The following TENM4 variants were observed in gnomAD, a reference collection of about 807,000 sequenced individuals.
TENM4 encodes teneurin transmembrane protein 4.
Under a neutral mutation model 243.3 loss-of-function variants are expected in TENM4, and 82 were observed. That is an observed-to-expected ratio of 0.34 (90% confidence interval 0.28 to 0.40). TENM4 has a LOEUF of 0.40. Among genes scored for constraint, TENM4 ranks in the 10% least tolerant of loss-of-function variants. TENM4 has a pLI of 1.00. For synonymous variants in TENM4, 1,412 were observed against 1,456.3 expected, an observed-to-expected ratio of 0.97 and a Z score of 0.69; for missense variants, 3,138 against 3,673.3, an observed-to-expected ratio of 0.85 and a Z score of 3.77.
At chr11:79,234,881 TGCGGGGTCTG>T (rs1333336425) in intron 2 of TENM4, among the ~76,000 whole-genome samples, 1 of 152,134 alleles carries the variant, frequency 6.6e-6, no homozygotes, top group East Asian at 1.9e-4. Context: ...GCACCTGGCT[TGCGGGGTCTG>T]GCAAGGTAAG....
At chr11:79,091,613 T>A (rs1860952236) in intron 4 of TENM4, among the ~76,000 whole-genome samples, 1 of 152,062 alleles carries the variant, frequency 6.6e-6, no homozygotes, top group East Asian at 1.9e-4. Context: ...TTACTATGCT[T>A]GTTAAAAATA....
At chr11:78,749,063 C>G (rs77767279) in intron 19 of TENM4, among the ~76,000 whole-genome samples, 1,916 of 152,312 alleles carry the variant, frequency 0.013, 58 homozygotes, top group African/African-American at 0.045. Context: ...CAACTAGGAA[C>G]AAGCTCAAGC....
In TENM4 at chr11:78,904,359, C is replaced by CAAAAAAAAAAA. The variant is rs61503457; in HGVS notation, c.494-847_494-837dup. ...TGAGCTACAGAGCAAGACTCTGTCT[C>CAAAAAAAAAAA]AAAAAAAAAAAAAAAAGTAAAACAT... On this transcript the variant is annotated intron_variant, in intron 6 of 33. Transcript: ENST00000278550. Among the ~76,000 whole-genome samples the CAAAAAAAAAAA allele has an allele frequency of 5.3e-4, 41 of 77,248 alleles. 2 individuals are homozygous for CAAAAAAAAAAA. In the Middle Eastern group the frequency reaches 0.024, roughly 45 times the overall value. 50.7% of individuals were successfully genotyped at this position (77,248 alleles called of 152,430 possible).
chr11:79,197,701 A>G (rs879918081), intron 3 of TENM4, among the ~76,000 whole-genome samples: 4 of 152,204 alleles, frequency 2.6e-5, no homozygotes, highest in Non-Finnish European at 5.9e-5. Context: ...TGAAGCAGTG[A>G]AATAAGTTAG....
chr11:78,777,615 T>C (rs1174756460), intron 17 of TENM4, among the ~76,000 whole-genome samples: 1 of 152,216 alleles, frequency 6.6e-6, no homozygotes, highest in Non-Finnish European at 1.5e-5. Flanking sequence ...ATCCTCATAC[T>C]AGCCTTATGA....
chr11:78,996,434 T>A (rs538017081), intron 6 of TENM4, among the ~76,000 whole-genome samples: 1 of 152,246 alleles, frequency 6.6e-6, no homozygotes, highest in East Asian at 1.9e-4. Flanking sequence ...AGCCAAGAGC[T>A]CCAGCCACCA....
chr11:79,043,016 G>A (rs939481047), intron 6 of TENM4, among the ~76,000 whole-genome samples: 2 of 152,180 alleles, frequency 1.3e-5, no homozygotes, highest in African/African-American at 4.8e-5. Flanking sequence ...CAGTCATACA[G>A]TACATGCATG....
In TENM4 at chr11:78,732,457, G is replaced by A. The variant is rs1855692236; in HGVS notation, c.2997C>T (p.Ile999=). 1 of 1,613,710 alleles carries A rather than the reference G, an allele frequency of 6.2e-7. No individual in the cohort carries two copies. The highest frequency in any genetic ancestry group is 1.3e-5 in the African/African-American group (1 of 74,910). ...TCTCATTCTCCTCATGTCTCATGAT[G>A]ATGGTTTCCATGACAAAGAAGCGAT... ...PWDRFFVMET[I]IMRHEENEIP... is the part of the protein sequence containing the mutation. The change falls in exon 21 of 34, where the codon ATC becomes ATT. Residue 999 remains isoleucine (I), a synonymous_variant. Coordinates refer to ENST00000278550, the MANE Select transcript of TENM4 (RefSeq NM_001098816.3).
chr11:79,137,464 G>A (rs1862131704), intron 4 of TENM4, among the ~76,000 whole-genome samples: 1 of 152,048 alleles, frequency 6.6e-6, no homozygotes, highest in African/African-American at 2.4e-5. Context: ...AGACCCCTCA[G>A]GAATGAAGGT....
chr11:78,895,799 T>C (rs555454802), intron 7 of TENM4, among the ~76,000 whole-genome samples: 1 of 152,294 alleles, frequency 6.6e-6, no homozygotes, highest in South Asian at 2.1e-4. Flanking sequence ...GTGCCCAGCA[T>C]ACAGGAAAAA....
At chr11:79,158,432 T>C (rs1862668867) in intron 3 of TENM4, among the ~76,000 whole-genome samples, 1 of 152,168 alleles carries the variant, frequency 6.6e-6, no homozygotes, top group Non-Finnish European at 1.5e-5. Flanking sequence ...TCTCAACAAC[T>C]TATTTCTTCT....
intron 3 of TENM4, among the ~76,000 whole-genome samples, chr11:79,192,264 T>C (rs1863528066): frequency 6.6e-6 from 1 of 151,950 alleles, no homozygotes; most frequent in Non-Finnish European, 1.5e-5. Flanking sequence ...GTCTGGGAGG[T>C]GTACCCAACA....
intron 4 of TENM4, among the ~76,000 whole-genome samples, chr11:79,083,042 C>G (rs752764481): frequency 6.6e-6 from 1 of 152,216 alleles, no homozygotes; most frequent in Non-Finnish European, 1.5e-5. Context: ...GAGTTCTACA[C>G]GCCTAATCAA....
intron 4 of TENM4, among the ~76,000 whole-genome samples, chr11:79,124,340 T>C (rs931992757): frequency 6.6e-6 from 1 of 152,120 alleles, no homozygotes; most frequent in Non-Finnish European, 1.5e-5. Flanking sequence ...CCACCCTTAA[T>C]ATGGATTGGC....
chr11:78,886,942 T>C (rs1412391153), intron 9 of TENM4, among the ~76,000 whole-genome samples: 1 of 152,210 alleles, frequency 6.6e-6, no homozygotes. Flanking sequence ...GTCAGTGTTG[T>C]AATTGAAGCG....
rs544196671 is a variant in TENM4, at chr11:79,370,779, T to TAAAAAAAAAAAAAA, written c.-321+69716_-321+69729dup. Among the ~76,000 whole-genome samples the TAAAAAAAAAAAAAA allele has an allele frequency of 4.9e-4, 28 of 57,162 alleles. 2 individuals carry two copies. The highest frequency in any genetic ancestry group is 1.5e-3 in the African/African-American group (25 of 16,976). The allele number at this position is 57,162 out of a possible 152,430, so 37.5% of individuals were successfully genotyped here. A position where few individuals can be genotyped will look rare whatever the true frequency, so the allele number is the denominator to read the frequency against. ...ACTCCTAAAGGCACAACTCCTATGG[T>TAAAAAAAAAAAAAA]AAAAAAAAAAAAAAAAAAAAAAAAA... On this transcript the variant is annotated intron_variant, in intron 1 of 33. Coordinates refer to ENST00000278550, the MANE Select transcript of TENM4 (RefSeq NM_001098816.3).
chr11:78,809,759 T>G (rs1857458844), intron 14 of TENM4, among the ~76,000 whole-genome samples: 1 of 152,166 alleles, frequency 6.6e-6, no homozygotes, highest in African/African-American at 2.4e-5. Flanking sequence ...GTTACCTTTT[T>G]TCCCCTTGCA....
At chr11:79,180,511 G>T (rs980532459) in intron 3 of TENM4, among the ~76,000 whole-genome samples, 4 of 151,842 alleles carry the variant, frequency 2.6e-5, no homozygotes, top group African/African-American at 9.6e-5. Flanking sequence ...CTAAGCATCA[G>T]CGTTCTCATT....
chr11:78,867,169 C>T (rs1333002538), intron 9 of TENM4, among the ~76,000 whole-genome samples: 1 of 152,052 alleles, frequency 6.6e-6, no homozygotes, highest in Non-Finnish European at 1.5e-5. Flanking sequence ...ATAGTCCACC[C>T]TGTTGTGCTA....
Sources: gnomAD v4.1 joint callset for allele counts (sites outside exome capture counted in the v4.1 genomes callset) on GRCh38, gnomAD v4.1.1 for gene constraint, MANE v1.5 for transcripts, NCBI Gene and HGNC (gene_info 2026-07-23, HGNC 2026-07-21) for gene names.